The following SHANK2 variants were observed in gnomAD, a reference collection of about 807,000 sequenced individuals.
SHANK2 encodes the protein SH3 and multiple ankyrin repeat domains 2.
In SHANK2, 43 loss-of-function variants were observed where a neutral mutation model predicts 133.7. The ratio of observed to expected loss-of-function variants is 0.32; its 90% CI spans 0.25 to 0.41. The LOEUF is 0.41. Among genes scored for constraint, SHANK2 ranks in the 10% least tolerant of loss-of-function variants. The probability of loss-of-function intolerance (pLI) is 1.00; values close to 1 mark genes in which losing one functional copy is unlikely to be tolerated. For missense variants in SHANK2, 1,994 were observed against 2,235.8 expected, an observed-to-expected ratio of 0.89 and a Z score of 2.18; for synonymous variants, 1,017 against 952.8, an observed-to-expected ratio of 1.07 and a Z score of -1.24.
At chr11:70,924,347 T>C (rs1950396544) in intron 10 of SHANK2, among the ~76,000 whole-genome samples, 1 of 1,766 alleles carries the variant, frequency 5.7e-4, no homozygotes, top group Non-Finnish European at 1.4e-3. Context: ...ACGCTGCTCC[T>C]AGGATCTCGG....
chr11:70,904,466 T>C (rs1555077474), intron 10 of SHANK2, among the ~76,000 whole-genome samples: 1 of 151,060 alleles, frequency 6.6e-6, no homozygotes, highest in African/African-American at 2.4e-5. Context: ...ATAGCTCCCA[T>C]AATTCCCACT....
intron 8 of SHANK2, among the ~76,000 whole-genome samples, chr11:71,075,534 G>C (rs1176169711): frequency 2.0e-5 from 3 of 152,168 alleles, no homozygotes; most frequent in Non-Finnish European, 4.4e-5. Context: ...TGAGACAGAG[G>C]GTCTGGGAAG....
chr11:70,663,461 C>A (rs1231868068), intron 15 of SHANK2, among the ~76,000 whole-genome samples: 2 of 152,152 alleles, frequency 1.3e-5, no homozygotes, highest in Admixed American at 1.3e-4. Flanking sequence ...ATCGGAGGAC[C>A]CAGCTAGGGA....
intron 17 of SHANK2, among the ~76,000 whole-genome samples, chr11:70,626,193 G>A (rs1422751247): frequency 1.3e-5 from 2 of 152,250 alleles, no homozygotes; most frequent in African/African-American, 4.8e-5. Flanking sequence ...CATTTAGGAA[G>A]ACATGTTTTC....
At chr11:71,075,722 T>G (rs1260695282) in intron 8 of SHANK2, among the ~76,000 whole-genome samples, 1 of 152,184 alleles carries the variant, frequency 6.6e-6, no homozygotes, top group Non-Finnish European at 1.5e-5. Flanking sequence ...GGAGAGGCCT[T>G]CACAGCCCTG....
In SHANK2 at chr11:71,188,770, C is replaced by T. The variant is rs1306605105; in HGVS notation, c.-13+35927G>A. 6.6e-6 allele frequency among the ~76,000 whole-genome samples: 1 copy of T among 152,194 alleles called. No homozygotes were observed. Among genetic ancestry groups the T allele is most frequent in the Non-Finnish European group, 1.5e-5 (1 of 68,034 alleles). On this transcript the variant is annotated intron_variant, in intron 2 of 25. Coordinates refer to ENST00000601538, the MANE Select transcript of SHANK2 (RefSeq NM_012309.5). The surrounding 1 kb of genome is among the most constrained non-coding windows in gnomAD (Gnocchi z 4.6). The stretch of plus-strand genomic sequence containing the variant: ...GTCCCTGCACTGTGCTGGGTGCTGG[C>T]CTCACTGAGATAACTACGACCACCT...
intron 17 of SHANK2, among the ~76,000 whole-genome samples, chr11:70,548,909 C>T (rs566505825): frequency 2.6e-5 from 4 of 152,198 alleles, no homozygotes; most frequent in Admixed American, 1.3e-4. Context: ...CTGCTGCAAG[C>T]CAAGGGGTGC....
intron 10 of SHANK2, among the ~76,000 whole-genome samples, chr11:70,897,287 T>C (rs977256966): frequency 1.3e-5 from 2 of 152,174 alleles, no homozygotes; most frequent in African/African-American, 2.4e-5. Flanking sequence ...AGGAGAGACC[T>C]TGGGCTCAGG....
chr11:71,253,022 G>A (rs1555126144), upstream of SHANK2, among the ~76,000 whole-genome samples: 1 of 152,236 alleles, frequency 6.6e-6, no homozygotes, highest in African/African-American at 2.4e-5. Context: ...CAGAGCAAAC[G>A]AAAACTTTGT....
chr11:71,236,816 C>T (rs959940172), intron 1 of SHANK2, among the ~76,000 whole-genome samples: 12 of 152,184 alleles, frequency 7.9e-5, no homozygotes, highest in Non-Finnish European at 1.3e-4. Context: ...ACTCTTGTCT[C>T]AAAACAAACT....
intron 17 of SHANK2, among the ~76,000 whole-genome samples, chr11:70,550,510 C>T (rs561873886): frequency 6.6e-6 from 1 of 152,214 alleles, no homozygotes; most frequent in African/African-American, 2.4e-5. Flanking sequence ...TAAAGTCTAG[C>T]CCACTGCTAC....
At chr11:70,695,089 T>C (rs1945365040) in intron 15 of SHANK2, among the ~76,000 whole-genome samples, 1 of 152,064 alleles carries the variant, frequency 6.6e-6, no homozygotes, top group South Asian at 2.1e-4. Flanking sequence ...ATTCCACTCA[T>C]CTGAGGTTCC....
chr11:71,219,703 CA>C (rs1293433908), intron 2 of SHANK2, among the ~76,000 whole-genome samples: 2 of 151,706 alleles, frequency 1.3e-5, no homozygotes, highest in African/African-American at 4.8e-5. Flanking sequence ...TTAGCCTGGG[CA>C]ACATGGTAAA....
At chr11:70,923,108 TAA>T (rs1950373787) in intron 10 of SHANK2, among the ~76,000 whole-genome samples, 1 of 152,172 alleles carries the variant, frequency 6.6e-6, no homozygotes, top group Non-Finnish European at 1.5e-5. Context: ...TCATTGATGG[TAA>T]AAACCCATCA....
chr11:70,517,157 CA>C (rs1554970288), intron 17 of SHANK2, among the ~76,000 whole-genome samples: 1 of 152,202 alleles, frequency 6.6e-6, no homozygotes, highest in Non-Finnish European at 1.5e-5. Flanking sequence ...CAAATCAAGC[CA>C]ACAGTGAGAC....
chr11:71,087,730 G>A (rs1951437322), intron 8 of SHANK2, among the ~76,000 whole-genome samples: 1 of 152,152 alleles, frequency 6.6e-6, no homozygotes, highest in African/African-American at 2.4e-5. Flanking sequence ...CTGGGTTCAA[G>A]CGATTTGCAC....
intron 14 of SHANK2, among the ~76,000 whole-genome samples, chr11:70,701,303 G>A (rs1945513697): frequency 6.6e-6 from 1 of 152,176 alleles, no homozygotes; most frequent in Non-Finnish European, 1.5e-5. Context: ...GAGAAAAAGG[G>A]TGTAGACTAA....
intron 14 of SHANK2, among the ~76,000 whole-genome samples, chr11:70,716,694 G>A (rs1025802091): frequency 6.6e-6 from 1 of 152,044 alleles, no homozygotes; most frequent in African/African-American, 2.4e-5. Context: ...CACCAACACG[G>A]GGCACCCCCA....
intron 9 of SHANK2, among the ~76,000 whole-genome samples, chr11:71,069,477 A>G (rs1951114971): frequency 6.6e-6 from 1 of 152,160 alleles, no homozygotes; most frequent in Non-Finnish European, 1.5e-5. Context: ...CATGACGACC[A>G]TCAGCAACAG....
Sources: gnomAD v4.1 joint callset for allele counts (sites outside exome capture counted in the v4.1 genomes callset) on GRCh38, gnomAD v4.1.1 for gene constraint, Gnocchi (gnomAD v3.1) non-coding constraint, MANE v1.5 for transcripts, NCBI Gene and HGNC (gene_info 2026-07-23, HGNC 2026-07-21) for gene names.